EGLN1: variants seen among roughly 807,000 people sequenced by gnomAD.
The protein encoded by EGLN1 is egl-9 family hypoxia inducible factor 1.
In EGLN1, 17 loss-of-function variants were observed where a neutral mutation model predicts 38.3. The observed-to-expected ratio is 0.44, with a 90% CI of 0.30 to 0.67. The LOEUF is 0.67. Ranked by LOEUF, EGLN1 falls within the 30% of genes least tolerant of loss-of-function variation. The pLI, the probability that EGLN1 is intolerant of heterozygous loss-of-function variation, is 0.08. For synonymous variants in EGLN1, 283 were observed against 257.5 expected (o/e 1.10, Z -0.95); for missense variants, 477 against 603.3 (o/e 0.79, Z 2.19).
intron 1 of EGLN1, 45 bp downstream of exon 1, chr1:231,420,953 C>G (rs758524020): frequency 6.2e-7 from 1 of 1,613,466 alleles, no homozygotes; most frequent in African/African-American, 1.3e-5. Flanking sequence ...AGGGGCTGCC[C>G]GCCGAGAAGG....
chr1:231,413,946 T>C (rs1689014336), intron 1 of EGLN1, among the ~76,000 whole-genome samples: 1 of 152,058 alleles, frequency 6.6e-6, no homozygotes, highest in African/African-American at 2.4e-5. Context: ...TAATTCTGAA[T>C]TGGTTATGGA....
rs1370030808 is a variant in EGLN1 at position 231,421,535 on chromosome 1, G to A, written c.354C>T (p.Ala118=). The A allele has an allele frequency of 1.0e-5, 13 of 1,296,498 alleles. No individual in the cohort carries two copies. In the East Asian group the frequency reaches 2.9e-4, roughly 29 times the overall value. The allele number at this position is 1,296,498 out of a possible 1,614,324, so 80.3% of individuals were successfully genotyped here. The change falls in exon 1 of 5, where the codon GCC becomes GCT. Residue 118 remains alanine, a synonymous_variant. Transcript: ENST00000366641. The surrounding 1 kb of genome is among the most constrained non-coding windows in gnomAD (Gnocchi z 5.5). ...ACGGCGACGCGGCCGCCGCTGGGTC[G>A]GCCGGGGGCTTGGCCTTTACTTTTC... ...AKGKVKAKPP[A]DPAAAASPCR...
At chr1:231,381,445 G>T (rs923681928) in intron 1 of EGLN1, among the ~76,000 whole-genome samples, 2 of 152,112 alleles carry the variant, frequency 1.3e-5, no homozygotes, top group African/African-American at 4.8e-5. Context: ...GATTATTGAA[G>T]AAGAAATAGC....
rs1343491211 is a variant in EGLN1 at position 231,421,183 on chromosome 1, T to C, written c.706A>G (p.Thr236Ala). ...TTCTGGCTGACCAGCTGCCCGTCCG[T>C]GAACTTCCCGGTGTCGTGCAGGGCG... ...VRALHDTGKF[T>A]DGQLVSQKSD... The change falls in exon 1 of 5, where the codon ACG becomes GCG. Residue 236 changes from threonine to alanine, a missense_variant. Thr to Ala is a moderately conservative substitution (Grantham distance 58). Transcript: ENST00000366641. The surrounding 1 kb of genome is among the most constrained non-coding windows in gnomAD (Gnocchi z 5.5). 4 of 1,614,136 alleles carry C rather than the reference T, an allele frequency of 2.5e-6. No homozygotes were observed. In the East Asian group the frequency reaches 8.9e-5, roughly 36 times the overall value.
intron 1 of EGLN1, among the ~76,000 whole-genome samples, chr1:231,389,186 T>A (rs1041123281): frequency 6.6e-6 from 1 of 152,354 alleles, no homozygotes; most frequent in East Asian, 1.9e-4. Flanking sequence ...AACCATACTA[T>A]ACAGAAGTAA....
intron 1 of EGLN1, 136 bp downstream of exon 1, chr1:231,420,862 C>G: frequency 6.4e-7 from 1 of 1,550,972 alleles, no homozygotes; most frequent in Non-Finnish European, 8.8e-7. Context: ...GTCTTCCTTA[C>G]GGGGAGCTAC....
At position 231,397,052 on chromosome 1, in the gene EGLN1, C is replaced by T. The variant is rs146444851; in HGVS notation, c.892-22953G>A. On this transcript the variant is annotated intron_variant, in intron 1 of 4. Transcript: ENST00000366641. The stretch of plus-strand genomic sequence containing the variant: ...CCATGCCCTTCTCCAAACTATTCTC[C>T]ACACTCCATTCAAGTTAGTTTTCTA... Among the ~76,000 whole-genome samples, 286 of 152,322 alleles carry T rather than the reference C, an allele frequency of 1.9e-3. 1 individual carries two copies. Among genetic ancestry groups the T allele is most frequent in the Middle Eastern group, 3.4e-3 (1 of 294 alleles).
chr1:231,393,865 T>G (rs1246724066), intron 1 of EGLN1, among the ~76,000 whole-genome samples: 2 of 152,114 alleles, frequency 1.3e-5, no homozygotes, highest in African/African-American at 4.8e-5. Context: ...ACAGTAGGAG[T>G]CATCCTAGAC....
intron 1 of EGLN1, among the ~76,000 whole-genome samples, chr1:231,404,853 A>C (rs2102929696): frequency 6.6e-6 from 1 of 152,292 alleles, no homozygotes; most frequent in Admixed American, 6.5e-5. Context: ...GGTGTTCCTC[A>C]GCTGGAGTTA....
Position 231,366,266 on chromosome 1 carries a change from G to T in EGLN1, c.*145C>A. The T allele has an allele frequency of 2.5e-6, 2 of 809,662 alleles. No homozygotes were observed. Among genetic ancestry groups the T allele is most frequent in the Non-Finnish European group, 4.1e-6 (2 of 484,840 alleles). The allele number at this position is 809,662 out of a possible 1,614,324, so 50.2% of individuals were successfully genotyped here. On this transcript the variant is annotated 3_prime_UTR_variant, in exon 5 of 5. Coordinates refer to ENST00000366641, the MANE Select transcript of EGLN1 (RefSeq NM_022051.3). ...TCACAGCAGTCAAAATCTTCTGTTT[G>T]ATGCAACACAAAAAGTTGTTTCTGT...
At chr1:231,414,286 T>A (rs886812271) in intron 1 of EGLN1, among the ~76,000 whole-genome samples, 1 of 152,004 alleles carries the variant, frequency 6.6e-6, no homozygotes, top group African/African-American at 2.4e-5. Flanking sequence ...ACTGAAATAG[T>A]TGGGGTAGCT....
At chr1:231,397,993 T>C (rs923900073) in intron 1 of EGLN1, among the ~76,000 whole-genome samples, 3 of 152,194 alleles carry the variant, frequency 2.0e-5, no homozygotes, top group African/African-American at 7.2e-5. Flanking sequence ...TATATAGGAC[T>C]GTATTGATAA....
intron 4 of EGLN1, 132 bp from the exon 5 acceptor site, chr1:231,366,607 C>A: frequency 3.3e-6 from 3 of 913,688 alleles, no homozygotes; most frequent in Non-Finnish European, 5.1e-6. Flanking sequence ...AGAACTATCA[C>A]GCTTGTACTT....
chr1:231,378,030 G>A (rs1688000523), intron 1 of EGLN1, among the ~76,000 whole-genome samples: 1 of 152,096 alleles, frequency 6.6e-6, no homozygotes, highest in South Asian at 2.1e-4. Context: ...ATTTAAAAGT[G>A]GCCATTACCA....
intron 1 of EGLN1, among the ~76,000 whole-genome samples, chr1:231,390,420 A>G (rs1319469804): frequency 6.6e-6 from 1 of 152,246 alleles, no homozygotes; most frequent in Non-Finnish European, 1.5e-5. Context: ...TTTAATCTTT[A>G]TAGTCTCAAT....
intron 1 of EGLN1, among the ~76,000 whole-genome samples, chr1:231,415,582 AAGAT>A (rs1303521245): frequency 6.6e-6 from 1 of 152,182 alleles, no homozygotes; most frequent in African/African-American, 2.4e-5. Flanking sequence ...AAGAATCAGA[AAGAT>A]AGCAAATTTT....
rs1572012648 is a variant in EGLN1, at chr1:231,365,332, C to T, written c.*1079G>A. 1 of 152,208 alleles carries T rather than the reference C, an allele frequency of 6.6e-6. No homozygotes were observed. Among genetic ancestry groups the T allele is most frequent in the Admixed American group, 6.5e-5 (1 of 15,278 alleles). 9.4% of individuals were successfully genotyped at this position (152,208 alleles called of 1,614,324 possible). The stretch of plus-strand genomic sequence containing the variant: ...ATTGTCTACATCTAGAGGATACATA[C>T]ACCTGAAAGCTTAAGAAAGCCCTTA... On this transcript the variant is annotated 3_prime_UTR_variant, in exon 5 of 5. Transcript: ENST00000366641.
intron 1 of EGLN1, among the ~76,000 whole-genome samples, chr1:231,376,074 A>T (rs181899474): frequency 2.3e-4 from 35 of 152,336 alleles, no homozygotes; most frequent in Middle Eastern, 3.4e-3. Flanking sequence ...TATGAAAGGC[A>T]CTGGGGCTAA....
intron 1 of EGLN1, among the ~76,000 whole-genome samples, chr1:231,381,963 T>C (rs1688088489): frequency 1.3e-5 from 2 of 152,250 alleles, no homozygotes; most frequent in South Asian, 2.1e-4. Flanking sequence ...CAGGGAATTA[T>C]ACAACCTCAT....
Sources: allele counts gnomAD v4.1 joint callset (sites outside exome capture counted in the v4.1 genomes callset), GRCh38; gene constraint gnomAD v4.1.1; non-coding constraint Gnocchi (gnomAD v3.1); transcripts MANE v1.5; gene names NCBI Gene and HGNC (gene_info 2026-07-23, HGNC 2026-07-21).